LHFPL3: variants seen among roughly 807,000 people sequenced by gnomAD.
LHFPL3 encodes the protein LHFPL tetraspan subfamily member 3 protein.
Under a neutral mutation model 19.3 loss-of-function variants are expected in LHFPL3, and 5 were observed. The observed-to-expected ratio is 0.26, with a 90% confidence interval of 0.14 to 0.54. The LOEUF (loss-of-function observed/expected upper bound fraction) is 0.54. LHFPL3 is among the 20% of genes least tolerant of loss of function. The pLI, the probability that LHFPL3 is intolerant of heterozygous loss-of-function variation, is 0.94. For synonymous variants in LHFPL3, 133 were observed against 126.2 expected, an observed-to-expected ratio of 1.05 and a Z score of -0.36; for missense variants, 249 against 307.4, an observed-to-expected ratio of 0.81 and a Z score of 1.42.
At chr7:104,455,329 A>C (rs1015484096) in intron 1 of LHFPL3, among the ~76,000 whole-genome samples, 4 of 152,270 alleles carry the variant, frequency 2.6e-5, no homozygotes, top group Middle Eastern at 3.4e-3. Context: ...TCTGATCTTA[A>C]AATTTGGACA....
At chr7:104,347,152 T>C (rs1790086314) in intron 1 of LHFPL3, among the ~76,000 whole-genome samples, 1 of 152,068 alleles carries the variant, frequency 6.6e-6, no homozygotes, top group Non-Finnish European at 1.5e-5. Context: ...CTTATCACTC[T>C]AGACAGGCAA....
intron 1 of LHFPL3, among the ~76,000 whole-genome samples, chr7:104,455,255 C>G (rs1462415720): frequency 6.6e-6 from 1 of 152,104 alleles, no homozygotes; most frequent in Non-Finnish European, 1.5e-5. Context: ...TTAATTGAAT[C>G]GTGAAATGCT....
intron 1 of LHFPL3, among the ~76,000 whole-genome samples, chr7:104,493,350 C>T (rs1242764971): frequency 6.6e-6 from 1 of 151,814 alleles, no homozygotes; most frequent in Non-Finnish European, 1.5e-5. Context: ...CTCCTGTCTT[C>T]TTCCCTTCAA....
chr7:104,430,416 A>G (rs1215814341), intron 1 of LHFPL3, among the ~76,000 whole-genome samples: 7 of 22,736 alleles, frequency 3.1e-4, no homozygotes, highest in Middle Eastern at 0.032. Flanking sequence ...ATATATATAT[A>G]TACATATATA....
At chr7:104,563,449 G>A (rs1005840786) in intron 1 of LHFPL3, among the ~76,000 whole-genome samples, 1 of 152,306 alleles carries the variant, frequency 6.6e-6, no homozygotes, top group Non-Finnish European at 1.5e-5. Context: ...GATTTTCCAG[G>A]TGCCATCCGT....
chr7:104,526,752 A>G (rs1794195166), intron 1 of LHFPL3, among the ~76,000 whole-genome samples: 1 of 152,214 alleles, frequency 6.6e-6, no homozygotes, highest in African/African-American at 2.4e-5. Flanking sequence ...GGCTCTGTGA[A>G]TCTAGCATTA....
intron 1 of LHFPL3, among the ~76,000 whole-genome samples, chr7:104,416,840 T>C (rs749384611): frequency 6.6e-6 from 1 of 152,124 alleles, no homozygotes; most frequent in Non-Finnish European, 1.5e-5. Context: ...AGGTCCAAGA[T>C]TGAGTGGATG....
chr7:104,856,465 G>C (rs1051733785), intron 2 of LHFPL3, among the ~76,000 whole-genome samples: 1 of 151,736 alleles, frequency 6.6e-6, no homozygotes, highest in Non-Finnish European at 1.5e-5. Context: ...GGTCAGGCTG[G>C]TCTCAAACTC....
intron 2 of LHFPL3, among the ~76,000 whole-genome samples, chr7:104,811,482 T>A (rs1790469529): frequency 6.6e-6 from 1 of 152,142 alleles, no homozygotes; most frequent in African/African-American, 2.4e-5. Context: ...ATTGCAGGCA[T>A]GGGCCACCAT....
chr7:104,433,030 T>A (rs2116563856), intron 1 of LHFPL3, among the ~76,000 whole-genome samples: 1 of 152,290 alleles, frequency 6.6e-6, no homozygotes, highest in South Asian at 2.1e-4. Flanking sequence ...CTGTTAAAAT[T>A]TATTGAGGAT....
At position 104,815,873 on chromosome 7, in the gene LHFPL3, T is replaced by C. The variant is rs116669028; in HGVS notation, c.682+78962T>C. Among the ~76,000 whole-genome samples the C allele has an allele frequency of 3.7e-3, 570 of 152,214 alleles. 5 individuals are homozygous for C. The highest frequency in any genetic ancestry group is 0.013 in the African/African-American group (544 of 41,532). ...GTACTAGGGCAAAGAAGCTCAAAGGTAGGAATTCTCAAGGTCCCTCCCCCT... is the reference window on the plus strand; with the variant it reads ...GTACTAGGGCAAAGAAGCTCAAAGGCAGGAATTCTCAAGGTCCCTCCCCCT... On this transcript the variant is annotated intron_variant, in intron 2 of 2. Transcript: ENST00000424859.
At chr7:104,754,536 G>A (rs540617659) in intron 2 of LHFPL3, among the ~76,000 whole-genome samples, 7 of 152,308 alleles carry the variant, frequency 4.6e-5, no homozygotes, top group Admixed American at 2.6e-4. Context: ...AAGCTTCTTC[G>A]TGTGTAAAAT....
At chr7:104,744,680 T>G (rs1794006254) in intron 2 of LHFPL3, among the ~76,000 whole-genome samples, 2 of 152,208 alleles carry the variant, frequency 1.3e-5, no homozygotes, top group South Asian at 4.1e-4. Flanking sequence ...CACTCCAACC[T>G]CCCAATTGCT....
chr7:104,400,545 T>A, intron 1 of LHFPL3, among the ~76,000 whole-genome samples: 1 of 152,190 alleles, frequency 6.6e-6, no homozygotes, highest in East Asian at 1.9e-4. Flanking sequence ...GTTCTTTAAT[T>A]TATTGGTAAT....
At chr7:104,778,552 C>T (rs1411018420) in intron 2 of LHFPL3, among the ~76,000 whole-genome samples, 1 of 152,200 alleles carries the variant, frequency 6.6e-6, no homozygotes. Flanking sequence ...TTTCCAGCAA[C>T]CATGTGTACC....
At chr7:104,652,896 G>A (rs1461509583) in intron 1 of LHFPL3, among the ~76,000 whole-genome samples, 2 of 152,180 alleles carry the variant, frequency 1.3e-5, no homozygotes, top group African/African-American at 4.8e-5. Context: ...AGCAGAGTCA[G>A]GGAAGTGGAA....
intron 2 of LHFPL3, among the ~76,000 whole-genome samples, chr7:104,772,069 C>T (rs558211993): frequency 4.9e-4 from 75 of 152,148 alleles, no homozygotes; most frequent in African/African-American, 1.6e-3. Flanking sequence ...TTGCCTGCCT[C>T]GGCCTCCCAA....
intron 2 of LHFPL3, among the ~76,000 whole-genome samples, chr7:104,842,352 C>T (rs2116590921): frequency 6.6e-6 from 1 of 152,204 alleles, no homozygotes; most frequent in Middle Eastern, 3.4e-3. Context: ...CCTAGCCTGA[C>T]AGCTTACACC....
At chr7:104,592,139 C>A (rs1255377312) in intron 1 of LHFPL3, among the ~76,000 whole-genome samples, 1 of 152,174 alleles carries the variant, frequency 6.6e-6, no homozygotes, top group South Asian at 2.1e-4. Flanking sequence ...AAGTCATTCT[C>A]CATCCAGCTT....
Sources: allele counts gnomAD v4.1 joint callset (sites outside exome capture counted in the v4.1 genomes callset), GRCh38; gene constraint gnomAD v4.1.1; transcripts MANE v1.5; gene names NCBI Gene and HGNC (gene_info 2026-07-23, HGNC 2026-07-21).